The following INSL6 variants were observed in gnomAD, a reference collection of about 807,000 sequenced individuals.
The protein encoded by INSL6 is insulin-like peptide INSL6.
In INSL6, 16 loss-of-function variants were observed where a neutral mutation model predicts 9.4. The ratio of observed to expected loss-of-function variants is 1.70; its 90% CI spans 1.15 to 2.59. The LOEUF is 2.59. Among genes scored for constraint, INSL6 ranks in the 30% most tolerant of loss-of-function variants. The pLI is 0.00. For synonymous variants in INSL6, 154 were observed against 96.9 expected (o/e 1.59, Z -3.46); for missense variants, 391 against 257.3 (o/e 1.52, Z -3.56).
the INSL6 span, chr9:5,086,197 C>T: frequency 1.3e-5 from 7 of 552,126 alleles, no homozygotes; most frequent in African/African-American, 1.4e-4. Context: ...AGCCGCGCCG[C>T]CCCCGCCACC....
intron 2 of INSL6, among the ~76,000 whole-genome samples, chr9:5,155,750 C>A (rs1424148103): frequency 6.7e-6 from 1 of 148,640 alleles, no homozygotes; most frequent in African/African-American, 2.5e-5. Context: ...AGGGGAACAT[C>A]ACACACCGGG....
chr9:5,052,052 A>T, the INSL6 span, among the ~76,000 whole-genome samples: 6 of 152,152 alleles, frequency 3.9e-5, no homozygotes, highest in African/African-American at 1.4e-4. Flanking sequence ...AGTTGGAGGA[A>T]GAGTATCTTA....
the INSL6 span, chr9:5,110,866 G>A: frequency 6.0e-6 from 3 of 501,020 alleles, no homozygotes; most frequent in African/African-American, 3.9e-5. Context: ...ATGCCGCCGC[G>A]CCCAGCAGGG....
chr9:5,052,920 A>G, the INSL6 span, among the ~76,000 whole-genome samples: 67 of 152,106 alleles, frequency 4.4e-4, no homozygotes, highest in African/African-American at 1.5e-3. Context: ...GGCTGCTTCC[A>G]TGTTTTGGCT....
At chr9:5,134,358 C>T (rs1447778381) in intron 2 of INSL6, among the ~76,000 whole-genome samples, 1 of 152,108 alleles carries the variant, frequency 6.6e-6, no homozygotes, top group Non-Finnish European at 1.5e-5. Context: ...AAAGATACTC[C>T]TCGAGAAGAG....
At chr9:5,149,095 T>G (rs1295683187) in intron 2 of INSL6, among the ~76,000 whole-genome samples, 1 of 152,168 alleles carries the variant, frequency 6.6e-6, no homozygotes, top group Non-Finnish European at 1.5e-5. Context: ...GAGCTTGCTT[T>G]AACTCCATCT....
At chr9:5,161,822 G>C (rs1824933273), downstream of INSL6, among the ~76,000 whole-genome samples, 1 of 152,066 alleles carries the variant, frequency 6.6e-6, no homozygotes, top group Non-Finnish European at 1.5e-5. Flanking sequence ...AATTATGAAG[G>C]TAAACCCAGC....
chr9:5,045,115 T>C, the INSL6 span, among the ~76,000 whole-genome samples: 14 of 152,330 alleles, frequency 9.2e-5, no homozygotes, highest in African/African-American at 2.4e-4. Flanking sequence ...TAAACAGTAA[T>C]TGAAATATTT....
the INSL6 span, among the ~76,000 whole-genome samples, chr9:4,994,654 A>G: frequency 6.6e-6 from 1 of 152,178 alleles, no homozygotes; most frequent in Non-Finnish European, 1.5e-5. Context: ...AAATGAACAG[A>G]CGTGGCTCAT....
chr9:5,184,126 A>G (rs1336790968), intron 1 of INSL6, among the ~76,000 whole-genome samples: 1 of 152,218 alleles, frequency 6.6e-6, no homozygotes, highest in Non-Finnish European at 1.5e-5. Flanking sequence ...TCTTTCAGCA[A>G]CAGTGACTTT....
the INSL6 span, chr9:5,073,772 C>T: frequency 6.2e-7 from 1 of 1,605,746 alleles, no homozygotes; most frequent in Non-Finnish European, 8.5e-7. Flanking sequence ...GAGTATGTGT[C>T]TGTGGAGACG....
the INSL6 span, among the ~76,000 whole-genome samples, chr9:4,998,484 T>C: frequency 6.6e-6 from 1 of 152,162 alleles, no homozygotes. Context: ...CTCGAACTCC[T>C]GACCTCGTGA....
chr9:5,080,578 T>G, the INSL6 span: 1 of 1,602,402 alleles, frequency 6.2e-7, no homozygotes, highest in East Asian at 2.2e-5. Flanking sequence ...TGCACCAAAG[T>G]GGGCAGAATT....
At chr9:5,114,037 TG>T in the INSL6 span, 1 of 320,226 alleles carries the variant, frequency 3.1e-6, no homozygotes, top group Non-Finnish European at 6.2e-6. Flanking sequence ...TCTCCCATAC[TG>T]GAGGATGAGC....
chr9:5,143,113 T>G (rs1239415528), intron 2 of INSL6, among the ~76,000 whole-genome samples: 3 of 152,196 alleles, frequency 2.0e-5, no homozygotes, highest in Non-Finnish European at 4.4e-5. Context: ...TGAGGATTTT[T>G]GTACTGATGT....
chr9:5,110,687 T>C, the INSL6 span: 1 of 322,058 alleles, frequency 3.1e-6, no homozygotes, highest in African/African-American at 2.2e-5. Context: ...GCCTGAGCCC[T>C]TTCTATTACT....
intron 1 of INSL6, 91 bp from the exon 2 acceptor site, chr9:5,164,356 T>C: frequency 1.3e-6 from 1 of 794,050 alleles, no homozygotes; most frequent in Non-Finnish European, 2.0e-6. Flanking sequence ...AGCTAATTAT[T>C]AAAAAACAAG....
chr9:5,097,550 T>C, the INSL6 span: 7 of 152,202 alleles, frequency 4.6e-5, no homozygotes, highest in African/African-American at 9.7e-5. Flanking sequence ...GGAACAGACA[T>C]AGACACAGAC....
intron 2 of INSL6, among the ~76,000 whole-genome samples, chr9:5,151,584 T>G (rs1191508783): frequency 2.0e-5 from 3 of 152,124 alleles, no homozygotes; most frequent in Non-Finnish European, 4.4e-5. Flanking sequence ...ATCTCATTAT[T>G]TGAAGTTAGT....
Sources: allele counts gnomAD v4.1 joint callset (sites outside exome capture counted in the v4.1 genomes callset), GRCh38; gene constraint gnomAD v4.1.1; transcripts MANE v1.5; gene names NCBI Gene and HGNC (gene_info 2026-07-23, HGNC 2026-07-21).